PPM1K: variants seen among roughly 807,000 people sequenced by gnomAD.
PPM1K encodes protein phosphatase Mn(2+)-dependent 1K.
In PPM1K, 19 loss-of-function variants were observed where a neutral mutation model predicts 32.6. That is an observed-to-expected ratio of 0.58 (90% CI 0.41 to 0.86). The LOEUF (loss-of-function observed/expected upper bound fraction) is 0.86, where lower values mean the gene tolerates loss of function less well. PPM1K is among the 40% of genes least tolerant of loss of function. The pLI, the probability that PPM1K is intolerant of heterozygous loss-of-function variation, is 0.00. For missense variants in PPM1K, 362 were observed against 461.2 expected (o/e 0.78, Z 1.97); for synonymous variants, 159 against 165.3 (o/e 0.96, Z 0.29).
At chr4:88,280,057 A>G (rs1027115637) in intron 1 of PPM1K, among the ~76,000 whole-genome samples, 2 of 152,166 alleles carry the variant, frequency 1.3e-5, no homozygotes, top group Non-Finnish European at 2.9e-5. Flanking sequence ...CGGTGGGTAA[A>G]ACAGTCAAAA....
rs116894219 is a variant in PPM1K, at chr4:88,277,656, A to C, written c.441-413T>G. 1.5e-3 allele frequency: 287 copies of C among 191,024 alleles called. 7 individuals are homozygous for C. In the East Asian group the frequency reaches 0.038, roughly 26 times the overall value. The allele number at this position is 191,024 out of a possible 1,614,324, so 11.8% of individuals were successfully genotyped here. A position where few individuals can be genotyped will look rare whatever the true frequency, so the allele number is the denominator to read the frequency against. On this transcript the variant is annotated intron_variant, in intron 2 of 6. Coordinates refer to ENST00000608933, the MANE Select transcript of PPM1K (RefSeq NM_152542.5). ...TTTTAGCAGTAATGTGATCCTCAAA[A>C]ATGCATTAATACTAGTTGAAGTAAA...
intron 3 of PPM1K, among the ~76,000 whole-genome samples, chr4:88,270,617 G>A (rs531555733): frequency 4.6e-5 from 7 of 152,216 alleles, no homozygotes; most frequent in Admixed American, 3.3e-4. Context: ...TACCTGTCCC[G>A]GGAATTTAAT....
chr4:88,269,456 G>A (rs575968647), intron 3 of PPM1K, among the ~76,000 whole-genome samples: 1 of 152,284 alleles, frequency 6.6e-6, no homozygotes, highest in African/African-American at 2.4e-5. Flanking sequence ...ACCCCTGTAT[G>A]CTTCTAAAAC....
chr4:88,283,816 G>C (rs766642536), intron 1 of PPM1K: 1 of 152,224 alleles, frequency 6.6e-6, no homozygotes, highest in Non-Finnish European at 1.5e-5. Context: ...CGCTGGCCCT[G>C]ACAGGCGGGT....
chr4:88,269,035 A>C, intron 3 of PPM1K, 129 bp from the exon 4 acceptor site: 1 of 756,384 alleles, frequency 1.3e-6, no homozygotes, highest in Non-Finnish European at 2.1e-6. Context: ...ATTTAACTAG[A>C]GCTAAGCAAA....
At position 88,277,175 on chromosome 4, in the gene PPM1K, G is replaced by C; in HGVS notation, c.509C>G (p.Ala170Gly). ...LTLAFLEIDK[A>G]FSSHARLSAD... ...AGACAGGCGGGCATGACTCGAAAAG[G>C]CTTTATCTATTTCTAGAAAAGCCAA... Residue 170 changes from alanine (A) to glycine (G), a missense_variant, in exon 3 of 7, where the codon GCC (alanine) becomes GGC (glycine). Coordinates refer to ENST00000608933, the MANE Select transcript of PPM1K (RefSeq NM_152542.5). The C allele has an allele frequency of 6.2e-7, 1 of 1,613,938 alleles. No individual in the cohort carries two copies. Among genetic ancestry groups the C allele is most frequent in the Non-Finnish European group, 8.5e-7 (1 of 1,179,880 alleles).
intron 3 of PPM1K, among the ~76,000 whole-genome samples, chr4:88,270,749 G>C (rs1215433413): frequency 6.6e-6 from 1 of 152,100 alleles, no homozygotes; most frequent in East Asian, 1.9e-4. Context: ...GTAATTTATG[G>C]CTCTGTCACC....
At chr4:88,276,819 G>T in intron 3 of PPM1K, 1 of 1,020,782 alleles carries the variant, frequency 9.8e-7, no homozygotes, top group Non-Finnish European at 1.2e-6. Context: ...CTCATAGTAT[G>T]GACATTTTGT....
At chr4:88,270,635 C>A (rs1156892009) in intron 3 of PPM1K, among the ~76,000 whole-genome samples, 5 of 152,130 alleles carry the variant, frequency 3.3e-5, no homozygotes. Context: ...AATATTCCTT[C>A]CATTTGTTTA....
intron 1 of PPM1K, among the ~76,000 whole-genome samples, chr4:88,281,091 C>A (rs542376742): frequency 1.3e-5 from 2 of 151,982 alleles, no homozygotes; most frequent in South Asian, 4.1e-4. Context: ...GGAGATAATT[C>A]CCAAAGCAGC....
intron 3 of PPM1K, chr4:88,276,263 C>G (rs754498600): frequency 3.6e-5 from 35 of 985,342 alleles, no homozygotes; most frequent in Non-Finnish European, 4.2e-5. Context: ...TTCTGTGGTG[C>G]ACTTGGTTTC....
intron 4 of PPM1K, among the ~76,000 whole-genome samples, chr4:88,268,536 G>A (rs549582067): frequency 4.7e-4 from 71 of 152,270 alleles, no homozygotes; most frequent in Non-Finnish European, 1.0e-3. Context: ...CAGGAGAATG[G>A]TGTGAACCCG....
chr4:88,265,092 C>G lies in PPM1K; in HGVS notation c.896G>C (p.Gly299Ala). The G allele has an allele frequency of 6.2e-7, 1 of 1,614,144 alleles. No homozygotes were observed. The highest frequency in any genetic ancestry group is 1.3e-5 in the African/African-American group (1 of 75,044). Residue 299 changes from glycine to alanine, a missense_variant, in exon 6 of 7, where the codon GGA becomes GCA. By Grantham distance (60) the Gly-to-Ala change is moderately conservative. Coordinates refer to ENST00000608933, the MANE Select transcript of PPM1K (RefSeq NM_152542.5). ...TTGACTATTCACCATGAAGTTAATTCCATCTGTGGTGAGGACCAGGAAGCT... is the reference window on the plus strand; with the variant it reads ...TTGACTATTCACCATGAAGTTAATTGCATCTGTGGTGAGGACCAGGAAGCT... Reference protein sequence around the residue: ...DDSFLVLTTDGINFMVNSQEI... With the variant: ...DDSFLVLTTDAINFMVNSQEI...
intron 1 of PPM1K, chr4:88,283,783 A>C (rs1732115366): frequency 6.6e-6 from 1 of 152,336 alleles, no homozygotes; most frequent in Admixed American, 6.5e-5. Context: ...ACCTGGGTAC[A>C]GCTCAGGATC....
chr4:88,282,543 T>C (rs1263252836), intron 1 of PPM1K, among the ~76,000 whole-genome samples: 1 of 152,184 alleles, frequency 6.6e-6, no homozygotes, highest in East Asian at 1.9e-4. Flanking sequence ...TAAATTCAAA[T>C]AGTATGGAAA....
intron 5 of PPM1K, 23 bp from the exon 6 acceptor site, chr4:88,265,158 A>G: frequency 4.3e-6 from 7 of 1,613,830 alleles, no homozygotes; most frequent in Non-Finnish European, 5.1e-6. Context: ...CCAAATGCCT[A>G]TGATTATAAG....
chr4:88,270,985 G>C (rs765256734), intron 3 of PPM1K: 1 of 441,888 alleles, frequency 2.3e-6, no homozygotes, highest in Admixed American at 2.7e-5. Context: ...CTTTCAATAA[G>C]TTCTTAACAC....
In PPM1K at chr4:88,265,103, G is replaced by A; in HGVS notation, c.885C>T (p.Leu295=). Residue 295 remains leucine (L), a synonymous_variant, in exon 6 of 7, where the codon CTC becomes CTT. Transcript: ENST00000608933. ...LHHADDSFLV[L]TTDGINFMVN... ...CCATGAAGTTAATTCCATCTGTGGTGAGGACCAGGAAGCTGTCATCAGCAT... is the reference window on the plus strand; with the variant it reads ...CCATGAAGTTAATTCCATCTGTGGTAAGGACCAGGAAGCTGTCATCAGCAT... The A allele has an allele frequency of 6.2e-7, 1 of 1,614,192 alleles. No homozygotes were observed. Among genetic ancestry groups the A allele is most frequent in the Admixed American group, 1.7e-5 (1 of 60,016 alleles).
At chr4:88,276,111 A>C in intron 3 of PPM1K, 1 of 985,376 alleles carries the variant, frequency 1.0e-6, no homozygotes, top group Non-Finnish European at 1.2e-6. Flanking sequence ...TCATGAGAGA[A>C]GAGAGATAAT....
Sources: gnomAD v4.1 joint callset for allele counts (sites outside exome capture counted in the v4.1 genomes callset) on GRCh38, gnomAD v4.1.1 for gene constraint, MANE v1.5 for transcripts, NCBI Gene and HGNC (gene_info 2026-07-23, HGNC 2026-07-21) for gene names.